DNAH6: variants seen among roughly 807,000 people sequenced by gnomAD.
DNAH6 encodes the protein axonemal beta dynein heavy chain 6.
DNAH6 carries 340 observed loss-of-function variants against 491.4 expected under a neutral mutation model. The ratio of observed to expected loss-of-function variants is 0.69; its 90% CI spans 0.63 to 0.76. The LOEUF is 0.76. Ranked by LOEUF, DNAH6 falls within the 30% of genes least tolerant of loss-of-function variation. The pLI is 0.00. For synonymous variants in DNAH6, 1,603 were observed against 1,686.1 expected, an observed-to-expected ratio of 0.95 and a Z score of 1.21; for missense variants, 4,443 against 4,972.2, an observed-to-expected ratio of 0.89 and a Z score of 3.20.
chr2:84,592,820 A>C (rs760980471), intron 16 of DNAH6, among the ~76,000 whole-genome samples: 5 of 152,190 alleles, frequency 3.3e-5, no homozygotes, highest in Non-Finnish European at 7.4e-5. Flanking sequence ...TTAGTGAAAT[A>C]AGCCTGCTAC....
chr2:84,515,437 G>C (rs138165456), upstream of DNAH6, among the ~76,000 whole-genome samples: 2,229 of 152,218 alleles, frequency 0.015, 36 homozygotes, highest in Middle Eastern at 0.088. Flanking sequence ...GTTGGACTAT[G>C]TGACCTGTAA....
Position 84,694,256 on chromosome 2 carries a change from C to T in DNAH6, c.7300C>T (p.Arg2434Trp), listed in dbSNP as rs757303818. The change falls in exon 46 of 77, where the codon CGG becomes TGG. Residue 2434 changes from arginine to tryptophan, a missense_variant. Coordinates refer to ENST00000389394, the MANE Select transcript of DNAH6 (RefSeq NM_001370.2). ...DAIEHVSRIA[R>W]MIRQERGNAL... is the part of the protein sequence containing the mutation. ...CTGCTCTGATGTTTGCAGGATTGCT[C>T]GGATGATACGTCAAGAAAGAGGCAA... The T allele has an allele frequency of 1.2e-5, 18 of 1,551,658 alleles. No homozygotes were observed. The highest frequency in any genetic ancestry group is 2.4e-5 in the South Asian group (2 of 84,048).
At chr2:84,668,803 C>T (rs1315528857) in intron 37 of DNAH6, among the ~76,000 whole-genome samples, 4 of 138,480 alleles carry the variant, frequency 2.9e-5, no homozygotes, top group African/African-American at 8.4e-5. Flanking sequence ...AGAAATGAGC[C>T]ATCCCTCTGT....
chr2:84,488,809 CTAT>C, the DNAH6 span, among the ~76,000 whole-genome samples: 1 of 152,160 alleles, frequency 6.6e-6, no homozygotes, highest in East Asian at 1.9e-4. Flanking sequence ...TCTTTAGGAG[CTAT>C]TATTCTGTCT....
At chr2:84,733,844 T>C (rs1699310877) in intron 62 of DNAH6, among the ~76,000 whole-genome samples, 1 of 151,982 alleles carries the variant, frequency 6.6e-6, no homozygotes, top group African/African-American at 2.4e-5. Flanking sequence ...TAAATATACA[T>C]TTGTGTATTG....
At chr2:84,484,809 A>C in the DNAH6 span, among the ~76,000 whole-genome samples, 1 of 152,234 alleles carries the variant, frequency 6.6e-6, no homozygotes, top group Non-Finnish European at 1.5e-5. Context: ...CAGATTCCAC[A>C]GATGAGAATG....
chr2:84,710,335 A>T lies in DNAH6; in HGVS notation c.9301A>T (p.Ile3101Phe), dbSNP rs374317130. The change falls in exon 56 of 77, where the codon ATT becomes TTT. Residue 3101 changes from isoleucine (I) to phenylalanine (F), a missense_variant. Around this residue, in one of 3 missense-constraint regions of DNAH6, gnomAD observed 1,463 missense variants for 1,656.6 expected, o/e 0.88. Transcript: ENST00000389394. ...GGAAAGCAAAAGTGGTTTAAAGATCATTAAGCTTACAGATAGTAATTTCTT... is the reference window on the plus strand; with the variant it reads ...GGAAAGCAAAAGTGGTTTAAAGATCTTTAAGCTTACAGATAGTAATTTCTT... The part of the protein sequence containing the change: ...NKESKSGLKI[I>F]KLTDSNFLRI... 18 of 1,551,624 alleles carry T rather than the reference A, an allele frequency of 1.2e-5. No individual in the cohort carries two copies. Among genetic ancestry groups the T allele is most frequent in the Non-Finnish European group, 1.6e-5 (18 of 1,146,984 alleles).
chr2:84,605,453 C>G lies in DNAH6; in HGVS notation c.3082-47C>G, dbSNP rs747091240. 3 of 1,319,356 alleles carry G rather than the reference C, an allele frequency of 2.3e-6. No individual in the cohort carries two copies. In the South Asian group the frequency reaches 3.8e-5, roughly 17 times the overall value. The allele number at this position is 1,319,356 out of a possible 1,614,324, so 81.7% of individuals were successfully genotyped here. On this transcript the variant is annotated intron_variant, in intron 19 of 76. Coordinates refer to ENST00000389394, the MANE Select transcript of DNAH6 (RefSeq NM_001370.2). ...CATTTCACGTGCATTTATTGAGTAT[C>G]TAAACACACTGAATTTAGATATCCT...
intron 4 of DNAH6, among the ~76,000 whole-genome samples, chr2:84,531,225 G>A (rs904905016): frequency 6.6e-6 from 1 of 152,046 alleles, no homozygotes; most frequent in Non-Finnish European, 1.5e-5. Context: ...TGAGCACAGG[G>A]GTCACTTTGA....
At chr2:84,516,697 C>T (rs1470737635) in intron 1 of DNAH6, 114 bp downstream of exon 1, 1 of 152,190 alleles carries the variant, frequency 6.6e-6, no homozygotes, top group Non-Finnish European at 1.5e-5. Context: ...AATGGAAAGG[C>T]ATTTCAGTGA....
At chr2:84,672,969 G>T (rs531498642) in intron 40 of DNAH6, among the ~76,000 whole-genome samples, 40 of 152,200 alleles carry the variant, frequency 2.6e-4, no homozygotes, top group African/African-American at 9.2e-4. Context: ...GCCATGCTTG[G>T]TTCAGGAGAT....
At chr2:84,672,280 T>G in intron 39 of DNAH6, 47 bp from the exon 40 acceptor site, 1 of 1,523,978 alleles carries the variant, frequency 6.6e-7, no homozygotes, top group Non-Finnish European at 8.9e-7. Flanking sequence ...TTACATTTTC[T>G]AAGGGAAAAT....
rs200567664 is a variant in DNAH6 at position 84,650,500 on chromosome 2, AT to A, written c.5079-2807del. 7.9e-3 allele frequency among the ~76,000 whole-genome samples: 1,106 copies of A among 139,904 alleles called. 8 individuals carry two copies. The highest frequency in any genetic ancestry group is 0.059 in the East Asian group (281 of 4,748). 91.8% of individuals were successfully genotyped at this position (139,904 alleles called of 152,430 possible). Reference sequence around the variant, plus strand: ...CTAAAATTTCTAATAGGCTCTCTGTATTTTTTTTTTTTGGCTGAGATGTCCT... The same window carrying A: ...CTAAAATTTCTAATAGGCTCTCTGTATTTTTTTTTTTGGCTGAGATGTCCT... On this transcript the variant is annotated intron_variant, in intron 33 of 76. Transcript: ENST00000389394.
Position 84,632,042 on chromosome 2 carries a change from C to T in DNAH6, c.4516-2462C>T, listed in dbSNP as rs181974909. Among the ~76,000 whole-genome samples, 7 of 152,286 alleles carry T rather than the reference C, an allele frequency of 4.6e-5. No individual in the cohort carries two copies. The East Asian group carries it at 1.2e-3, about 25-fold the overall frequency. On this transcript the variant is annotated intron_variant, in intron 29 of 76. Transcript: ENST00000389394. ...CAATTGCGTCTGACTACAGGTATGTCCTGGTTATCTTTGGCCTGTAGGCAT... is the reference window on the plus strand; with the variant it reads ...CAATTGCGTCTGACTACAGGTATGTTCTGGTTATCTTTGGCCTGTAGGCAT...
chr2:84,609,430 A>T (rs1242861687), intron 21 of DNAH6, among the ~76,000 whole-genome samples: 1 of 152,128 alleles, frequency 6.6e-6, no homozygotes, highest in African/African-American at 2.4e-5. Flanking sequence ...CTTAAAGGCC[A>T]TTGTAGTGTT....
chr2:84,589,322 T>C (rs1683869679), intron 16 of DNAH6, among the ~76,000 whole-genome samples: 1 of 152,218 alleles, frequency 6.6e-6, no homozygotes, highest in Non-Finnish European at 1.5e-5. Flanking sequence ...ATGTACGTTA[T>C]GATTCCATTA....
chr2:84,678,900 A>ACAACGG, intron 41 of DNAH6, among the ~76,000 whole-genome samples: 1 of 152,218 alleles, frequency 6.6e-6, no homozygotes, highest in Admixed American at 6.5e-5. Context: ...TGCTCTCATT[A>ACAACGG]CAACGGACAG....
chr2:84,608,855 C>T (rs757343291), intron 21 of DNAH6, among the ~76,000 whole-genome samples: 11 of 152,210 alleles, frequency 7.2e-5, no homozygotes, highest in Non-Finnish European at 1.5e-4. Flanking sequence ...TCCTACATGG[C>T]ATCTTCTTCT....
chr2:84,575,598 G>A (rs943810806), intron 12 of DNAH6, among the ~76,000 whole-genome samples: 1 of 151,890 alleles, frequency 6.6e-6, no homozygotes, highest in Non-Finnish European at 1.5e-5. Context: ...ACCGTTTTAC[G>A]TACTGCCTCT....
Sources: gnomAD v4.1 joint callset for allele counts (sites outside exome capture counted in the v4.1 genomes callset) on GRCh38, gnomAD v4.1.1 for gene constraint, gnomAD v4.1.1 regional missense constraint, MANE v1.5 for transcripts, NCBI Gene and HGNC (gene_info 2026-07-23, HGNC 2026-07-21) for gene names.